Variants in GPC5 observed in about 807,000 individuals in gnomAD.
GPC5 encodes the protein glypican-5.
GPC5 carries 47 observed loss-of-function variants against 53.9 expected under a neutral mutation model. That is an observed-to-expected ratio of 0.87 (90% confidence interval 0.69 to 1.11). The LOEUF is 1.11. GPC5 is among the 50% of genes most tolerant of loss of function. The probability of loss-of-function intolerance (pLI) is 0.00; values close to 1 mark genes in which losing one functional copy is unlikely to be tolerated. For missense variants in GPC5, 748 were observed against 713.1 expected (o/e 1.05, Z -0.56); for synonymous variants, 286 against 263.3 (o/e 1.09, Z -0.84).
At chr13:91,589,685 T>G (rs2032726218) in intron 2 of GPC5, among the ~76,000 whole-genome samples, 1 of 152,166 alleles carries the variant, frequency 6.6e-6, no homozygotes, top group Non-Finnish European at 1.5e-5. Context: ...AAAAGTCAAC[T>G]TCATCATCTT....
Position 91,424,323 on chromosome 13 carries a change from C to T in GPC5, c.164-24438C>T, listed in dbSNP as rs190979599. 3.4e-3 allele frequency among the ~76,000 whole-genome samples: 383 copies of T among 113,424 alleles called. 13 individuals are homozygous for T. The South Asian group carries it at 0.094, about 28-fold the overall frequency. 74.4% of individuals were successfully genotyped at this position (113,424 alleles called of 152,430 possible). A position where few individuals can be genotyped will look rare whatever the true frequency, so the allele number is the denominator to read the frequency against. ...ACTTTTTTTTTTGGTGGTGGTGGGG[C>T]GGGGTTGGTGGTCGAAGACTGGCAG... On this transcript the variant is annotated intron_variant, in intron 1 of 7. Coordinates refer to ENST00000377067, the MANE Select transcript of GPC5 (RefSeq NM_004466.6).
chr13:92,497,575 T>G (rs762414057), intron 7 of GPC5, among the ~76,000 whole-genome samples: 4 of 152,216 alleles, frequency 2.6e-5, no homozygotes, highest in Non-Finnish European at 5.9e-5. Context: ...TAGGCTTGTG[T>G]TGGCTACATG....
At chr13:91,423,760 T>G (rs898733514) in intron 1 of GPC5, among the ~76,000 whole-genome samples, 1 of 152,140 alleles carries the variant, frequency 6.6e-6, no homozygotes, top group Admixed American at 6.6e-5. Flanking sequence ...GTATGTGAGG[T>G]TAGAGATATG....
chr13:92,830,953 G>A (rs529511164), intron 7 of GPC5, among the ~76,000 whole-genome samples: 2 of 152,190 alleles, frequency 1.3e-5, no homozygotes, highest in South Asian at 2.1e-4. Flanking sequence ...CAGAGCAGTG[G>A]TACTTGGCTG....
At chr13:91,686,596 C>A (rs1458796922) in intron 2 of GPC5, among the ~76,000 whole-genome samples, 1 of 151,814 alleles carries the variant, frequency 6.6e-6, no homozygotes, top group Non-Finnish European at 1.5e-5. Context: ...AAATATATAT[C>A]TTCAAGTGGC....
chr13:92,615,557 C>T (rs144449694), intron 7 of GPC5, among the ~76,000 whole-genome samples: 2,840 of 152,232 alleles, frequency 0.019, 47 homozygotes, highest in Admixed American at 0.027. Context: ...GTTATATAGC[C>T]TTCCTGAACC....
chr13:91,793,418 G>T (rs1213805316), intron 5 of GPC5, among the ~76,000 whole-genome samples: 1 of 152,032 alleles, frequency 6.6e-6, no homozygotes, highest in East Asian at 1.9e-4. Context: ...CATATCAGAA[G>T]GTAACATTCA....
chr13:92,085,715 G>A (rs1445579166), intron 6 of GPC5, among the ~76,000 whole-genome samples: 2 of 152,182 alleles, frequency 1.3e-5, no homozygotes, highest in Non-Finnish European at 2.9e-5. Flanking sequence ...CATCTGGGGG[G>A]TGATGGGAGA....
chr13:91,815,029 C>A (rs186261208), intron 5 of GPC5, among the ~76,000 whole-genome samples: 6 of 152,092 alleles, frequency 3.9e-5, no homozygotes, highest in African/African-American at 1.4e-4. Flanking sequence ...TTTTATGAGA[C>A]CAATAAGCCT....
intron 6 of GPC5, among the ~76,000 whole-genome samples, chr13:92,037,544 T>C (rs2040903671): frequency 6.6e-6 from 1 of 152,190 alleles, no homozygotes. Flanking sequence ...TATTTATTTG[T>C]TTGATTTGCA....
intron 7 of GPC5, among the ~76,000 whole-genome samples, chr13:92,231,801 A>G (rs2042531966): frequency 6.6e-6 from 1 of 152,062 alleles, no homozygotes; most frequent in Non-Finnish European, 1.5e-5. Context: ...CCCCATCTCT[A>G]CTAAAAATAC....
intron 6 of GPC5, among the ~76,000 whole-genome samples, chr13:91,985,501 G>A (rs191030460): frequency 1.8e-3 from 278 of 151,106 alleles, no homozygotes; most frequent in African/African-American, 6.4e-3. Flanking sequence ...TGTTTCATCT[G>A]CTCTTTTATT....
chr13:92,572,528 T>C (rs1883062287), intron 7 of GPC5, among the ~76,000 whole-genome samples: 1 of 152,204 alleles, frequency 6.6e-6, no homozygotes. Context: ...GAAGCATTTC[T>C]GTTAGATATG....
At chr13:92,509,659 C>T (rs1256949179) in intron 7 of GPC5, 1 of 152,142 alleles carries the variant, frequency 6.6e-6, no homozygotes, top group African/African-American at 2.4e-5. Context: ...GGTGATACGG[C>T]ATCCAAGGAA....
chr13:91,813,186 CAT>C (rs891443474), intron 5 of GPC5, among the ~76,000 whole-genome samples: 5 of 152,160 alleles, frequency 3.3e-5, no homozygotes, highest in African/African-American at 1.2e-4. Context: ...TTTTTTGACA[CAT>C]ATAAAACAGG....
At chr13:91,498,145 CCA>C (rs921912529) in intron 2 of GPC5, among the ~76,000 whole-genome samples, 6 of 151,626 alleles carry the variant, frequency 4.0e-5, no homozygotes, top group South Asian at 4.2e-4. Flanking sequence ...CCACCCGCCG[CCA>C]CACACACACG....
intron 5 of GPC5, among the ~76,000 whole-genome samples, chr13:91,803,569 T>TC (rs1316168384): frequency 6.6e-6 from 1 of 152,164 alleles, no homozygotes; most frequent in African/African-American, 2.4e-5. Context: ...GCTGTCAGTG[T>TC]CCCATACACA....
chr13:91,498,779 G>C (rs1396960799), intron 2 of GPC5, among the ~76,000 whole-genome samples: 1 of 151,982 alleles, frequency 6.6e-6, no homozygotes, highest in Non-Finnish European at 1.5e-5. Context: ...AGACCAGACT[G>C]GCCAACATGG....
intron 7 of GPC5, among the ~76,000 whole-genome samples, chr13:92,184,311 C>A (rs1043585567): frequency 1.3e-5 from 2 of 152,114 alleles, no homozygotes; most frequent in African/African-American, 2.4e-5. Context: ...CCTTCAAAAT[C>A]TATTTTAAAA....
Sources: gnomAD v4.1 joint callset for allele counts (sites outside exome capture counted in the v4.1 genomes callset) on GRCh38, gnomAD v4.1.1 for gene constraint, MANE v1.5 for transcripts, NCBI Gene and HGNC (gene_info 2026-07-23, HGNC 2026-07-21) for gene names.